TMEM163: variants seen among roughly 807,000 people sequenced by gnomAD.
TMEM163 encodes transmembrane protein 163.
Under a neutral mutation model 29.3 loss-of-function variants are expected in TMEM163, and 17 were observed. The ratio of observed to expected loss-of-function variants is 0.58; its 90% CI spans 0.40 to 0.87. The LOEUF is 0.87. Ranked by LOEUF, TMEM163 falls within the 40% of genes least tolerant of loss-of-function variation. The pLI is 0.00. For missense variants in TMEM163, 303 were observed against 381.5 expected (o/e 0.79, Z 1.71); for synonymous variants, 157 against 160.6 (o/e 0.98, Z 0.17).
At chr2:134,615,429 G>T (rs1284295837) in intron 2 of TMEM163, among the ~76,000 whole-genome samples, 2 of 152,154 alleles carry the variant, frequency 1.3e-5, no homozygotes, top group Non-Finnish European at 2.9e-5. Flanking sequence ...AGATAATGTT[G>T]AAGACGAAAC....
At chr2:134,477,942 T>C (rs1558916476) in intron 5 of TMEM163, among the ~76,000 whole-genome samples, 1 of 152,204 alleles carries the variant, frequency 6.6e-6, no homozygotes, top group Non-Finnish European at 1.5e-5. Flanking sequence ...TGGGGCCTGG[T>C]GGGAGGTGAC....
At chr2:134,693,608 CAAAAAAAAAAAAA>C (rs35183610) in intron 2 of TMEM163, among the ~76,000 whole-genome samples, 1 of 66,632 alleles carries the variant, frequency 1.5e-5, no homozygotes, top group Non-Finnish European at 4.1e-5. Flanking sequence ...AAAACTACAT[CAAAAAAAAAAAAA>C]AAAAAAAAAC....
intron 5 of TMEM163, among the ~76,000 whole-genome samples, chr2:134,501,510 C>A (rs1679696953): frequency 6.6e-6 from 1 of 152,140 alleles, no homozygotes; most frequent in African/African-American, 2.4e-5. Context: ...AGAAAATGCC[C>A]ACCAACAAAC....
intron 4 of TMEM163, among the ~76,000 whole-genome samples, 164 bp downstream of exon 4, chr2:134,550,406 C>T (rs1161326811): frequency 6.6e-6 from 1 of 152,136 alleles, no homozygotes; most frequent in Non-Finnish European, 1.5e-5. Context: ...CAAGAGGACC[C>T]TACCACATGG....
chr2:134,501,779 T>G (rs1679702252), intron 5 of TMEM163, among the ~76,000 whole-genome samples: 1 of 152,206 alleles, frequency 6.6e-6, no homozygotes. Context: ...TCGGGCTATC[T>G]CTGCTTCTGA....
chr2:134,458,500 T>C, intron 6 of TMEM163: 1 of 323,490 alleles, frequency 3.1e-6, no homozygotes, highest in Non-Finnish European at 6.0e-6. Flanking sequence ...TGGTTTTCTG[T>C]TGAGTCCACA....
chr2:134,585,680 T>C (rs1055044972), intron 2 of TMEM163, among the ~76,000 whole-genome samples: 4 of 150,976 alleles, frequency 2.6e-5, no homozygotes, highest in Admixed American at 1.3e-4. Context: ...AGGCGGAGCT[T>C]GCAGTGAGTC....
intron 2 of TMEM163, among the ~76,000 whole-genome samples, chr2:134,575,795 G>C (rs542180039): frequency 9.2e-5 from 14 of 152,214 alleles, no homozygotes; most frequent in Admixed American, 3.3e-4. Context: ...ATTTCAGCAG[G>C]TGCGTGGGAG....
chr2:134,525,922 C>A (rs757216659), intron 4 of TMEM163, among the ~76,000 whole-genome samples: 3 of 152,204 alleles, frequency 2.0e-5, no homozygotes, highest in Non-Finnish European at 2.9e-5. Flanking sequence ...ACAAGGAGAA[C>A]GGTTTGCAAA....
chr2:134,634,717 G>C (rs1683065694), intron 2 of TMEM163, among the ~76,000 whole-genome samples: 1 of 152,240 alleles, frequency 6.6e-6, no homozygotes, highest in African/African-American at 2.4e-5. Context: ...TTTAGGCTTT[G>C]GGTGCATATA....
intron 5 of TMEM163, among the ~76,000 whole-genome samples, chr2:134,472,937 C>G (rs1686836185): frequency 6.6e-6 from 1 of 152,112 alleles, no homozygotes; most frequent in South Asian, 2.1e-4. Flanking sequence ...CTAGAATATT[C>G]TAGTATTTGG....
At chr2:134,547,403 A>T (rs1488602566) in intron 4 of TMEM163, among the ~76,000 whole-genome samples, 2 of 152,280 alleles carry the variant, frequency 1.3e-5, no homozygotes, top group East Asian at 3.9e-4. Flanking sequence ...GACTAATTCA[A>T]GCTCAAGATT....
chr2:134,575,752 A>C (rs1681537982), intron 2 of TMEM163, among the ~76,000 whole-genome samples: 1 of 152,196 alleles, frequency 6.6e-6, no homozygotes, highest in East Asian at 1.9e-4. Context: ...AAAAGACTGC[A>C]CAGATGAACC....
At position 134,460,081 on chromosome 2, in the gene TMEM163, C is replaced by G. The variant is rs1686500572; in HGVS notation, c.668-1908G>C. ...GAGCCCCTTGCCAGATGTTACCCCC[C>G]CCCAAATTCATTCTCACTCTCCCCG... On this transcript the variant is annotated intron_variant, in intron 6 of 7. Coordinates refer to ENST00000281924, the MANE Select transcript of TMEM163 (RefSeq NM_030923.5). The surrounding 1 kb of genome is among the most constrained non-coding windows in gnomAD (Gnocchi z 4.3). Among the ~76,000 whole-genome samples the G allele has an allele frequency of 6.8e-6, 1 of 147,392 alleles. No individual in the cohort carries two copies. The highest frequency in any genetic ancestry group is 2.4e-4 in the South Asian group (1 of 4,230).
intron 2 of TMEM163, among the ~76,000 whole-genome samples, chr2:134,657,223 C>G (rs1683641072): frequency 6.6e-6 from 1 of 152,166 alleles, no homozygotes. Context: ...CCATCTGGTC[C>G]AGAGCTCTTT....
intron 6 of TMEM163, among the ~76,000 whole-genome samples, chr2:134,465,706 C>T (rs551591706): frequency 1.5e-4 from 23 of 152,308 alleles, no homozygotes; most frequent in African/African-American, 5.1e-4. Flanking sequence ...AGGTGAGTGT[C>T]CCACTAGCTG....
intron 2 of TMEM163, among the ~76,000 whole-genome samples, chr2:134,644,125 AATGG>A (rs1462358411): frequency 6.6e-6 from 1 of 152,128 alleles, no homozygotes; most frequent in Non-Finnish European, 1.5e-5. Context: ...GTTCTAAATA[AATGG>A]AGAGACATAC....
chr2:134,554,100 A>T (rs1477226348), intron 2 of TMEM163, among the ~76,000 whole-genome samples: 2 of 151,878 alleles, frequency 1.3e-5, no homozygotes, highest in Non-Finnish European at 2.9e-5. Context: ...ATTCCAACTA[A>T]CATCTTGCAC....
chr2:134,588,207 G>C (rs1361503343), intron 2 of TMEM163, among the ~76,000 whole-genome samples: 2 of 152,180 alleles, frequency 1.3e-5, no homozygotes, highest in African/African-American at 4.8e-5. Context: ...AATCAGCCAG[G>C]CCACAGTCCT....
Sources: allele counts gnomAD v4.1 joint callset (sites outside exome capture counted in the v4.1 genomes callset), GRCh38; gene constraint gnomAD v4.1.1; non-coding constraint Gnocchi (gnomAD v3.1); transcripts MANE v1.5; gene names NCBI Gene and HGNC (gene_info 2026-07-23, HGNC 2026-07-21).